Variants in NUTF2 observed in about 807,000 individuals in gnomAD.
NUTF2 encodes placental protein 15.
Under a neutral mutation model 18.5 loss-of-function variants are expected in NUTF2, and 3 were observed. That is an observed-to-expected ratio of 0.16 (90% CI 0.07 to 0.42). The LOEUF (loss-of-function observed/expected upper bound fraction) is 0.42. Ranked by LOEUF, NUTF2 falls within the 10% of genes least tolerant of loss-of-function variation. NUTF2 has a pLI of 0.99. For synonymous variants in NUTF2, 51 were observed against 57.9 expected (o/e 0.88, Z 0.54); for missense variants, 44 against 160.7 (o/e 0.27, Z 3.93).
At chr16:67,866,042 A>G (rs1233229182) in intron 2 of NUTF2, among the ~76,000 whole-genome samples, 2 of 152,064 alleles carry the variant, frequency 1.3e-5, no homozygotes, top group African/African-American at 2.4e-5. Flanking sequence ...AACGATGTTC[A>G]TATACACCAA....
intron 1 of NUTF2, among the ~76,000 whole-genome samples, chr16:67,850,625 G>A (rs2057847527): frequency 6.6e-6 from 1 of 152,158 alleles, no homozygotes; most frequent in Non-Finnish European, 1.5e-5. Context: ...TAAGAGAAGT[G>A]GCCTGAGGTT....
At chr16:67,847,180 G>C (rs866135672) in intron 1 of NUTF2, 195 bp downstream of exon 1, 1 of 151,984 alleles carries the variant, frequency 6.6e-6, no homozygotes, top group Non-Finnish European at 1.5e-5. Flanking sequence ...GCGGCGGCCG[G>C]GGGTAACGCA....
chr16:67,866,248 T>A (rs2057970352), intron 2 of NUTF2, among the ~76,000 whole-genome samples: 1 of 152,116 alleles, frequency 6.6e-6, no homozygotes, highest in Non-Finnish European at 1.5e-5. Flanking sequence ...AATAATGAAA[T>A]TTTATTAGTG....
chr16:67,849,481 A>G (rs1417674185), intron 1 of NUTF2, among the ~76,000 whole-genome samples: 1 of 151,248 alleles, frequency 6.6e-6, no homozygotes, highest in Non-Finnish European at 1.5e-5. Context: ...AGCTGGGACT[A>G]CAGGCGCACG....
intron 1 of NUTF2, among the ~76,000 whole-genome samples, chr16:67,857,788 G>A (rs541770570): frequency 6.6e-6 from 1 of 152,222 alleles, no homozygotes; most frequent in Non-Finnish European, 1.5e-5. Flanking sequence ...AGAGTATTGG[G>A]GCCAAGCCCC....
chr16:67,847,009 G>A (rs2151291448), intron 1 of NUTF2, 24 bp downstream of exon 1: 2 of 151,976 alleles, frequency 1.3e-5, no homozygotes, highest in African/African-American at 4.8e-5. Context: ...CCAGCACGCC[G>A]GGGCGGGGGC....
intron 3 of NUTF2, 40 bp downstream of exon 3, chr16:67,868,451 C>A: frequency 3.7e-6 from 6 of 1,613,544 alleles, no homozygotes; most frequent in Non-Finnish European, 5.1e-6. Context: ...TGGCTCCTTT[C>A]CCACCCCTTC....
At chr16:67,856,209 T>G (rs750575704) in intron 1 of NUTF2, 70 of 284,198 alleles carry the variant, frequency 2.5e-4, no homozygotes, top group African/African-American at 3.3e-4. Flanking sequence ...TGTTGTTGTT[T>G]TTTGAGACAG....
At chr16:67,848,404 A>G (rs2057824608) in intron 1 of NUTF2, among the ~76,000 whole-genome samples, 1 of 152,210 alleles carries the variant, frequency 6.6e-6, no homozygotes, top group Non-Finnish European at 1.5e-5. Context: ...CCAACATGGC[A>G]AAAGCGCATC....
chr16:67,848,726 A>C (rs2057827835), intron 1 of NUTF2, among the ~76,000 whole-genome samples: 1 of 151,440 alleles, frequency 6.6e-6, no homozygotes, highest in South Asian at 2.1e-4. Context: ...TGGGCGACAG[A>C]GCAAGACTCT....
intron 1 of NUTF2, among the ~76,000 whole-genome samples, chr16:67,858,223 A>G (rs1263532519): frequency 1.3e-5 from 2 of 152,210 alleles, no homozygotes; most frequent in Non-Finnish European, 2.9e-5. Context: ...GCTGGAGTGC[A>G]ATGGCATGAT....
chr16:67,854,055 A>G (rs955650608), intron 1 of NUTF2, among the ~76,000 whole-genome samples: 2 of 152,112 alleles, frequency 1.3e-5, no homozygotes, highest in Admixed American at 6.6e-5. Context: ...GGTTCAAGCA[A>G]TTCTCCTGCC....
At chr16:67,855,949 C>G in intron 1 of NUTF2, 1 of 1,055,318 alleles carries the variant, frequency 9.5e-7, no homozygotes, top group Non-Finnish European at 1.4e-6. Flanking sequence ...GGGCAGATGT[C>G]CAGCCTCAGA....
rs11553287 is a variant in NUTF2, at chr16:67,871,504, A to G, written c.*591A>G. ...GTGTAGGGCAGTTCTCTCCCACTCCACAGGGCGACTGGTCTTTGGAAAGCA... is the reference window on the plus strand; with the variant it reads ...GTGTAGGGCAGTTCTCTCCCACTCCGCAGGGCGACTGGTCTTTGGAAAGCA... On this transcript the variant is annotated 3_prime_UTR_variant, in exon 5 of 5. Coordinates refer to ENST00000219169, the MANE Select transcript of NUTF2 (RefSeq NM_005796.3). 46,383 of 152,016 alleles carry G rather than the reference A, an allele frequency of 0.31. 10,410 individuals are homozygous for G. Among genetic ancestry groups the G allele is most frequent in the African/African-American group, 0.64 (26,308 of 41,382 alleles). The allele number at this position is 152,016 out of a possible 1,614,324, so 9.4% of individuals were successfully genotyped here. A position where few individuals can be genotyped will look rare whatever the true frequency, so the allele number is the denominator to read the frequency against.
chr16:67,872,064 G>T lies in NUTF2; in HGVS notation c.*1151G>T, dbSNP rs1192444873. 3 of 152,278 alleles carry T rather than the reference G, an allele frequency of 2.0e-5. No individual in the cohort carries two copies. The highest frequency in any genetic ancestry group is 2.1e-4 in the South Asian group (1 of 4,828). 9.4% of individuals were successfully genotyped at this position (152,278 alleles called of 1,614,324 possible). ...ACTTCATGCTATCTTCCAATTCCGG[G>T]GAGTCTTAGCTATTAGGGCAGTTTC... On this transcript the variant is annotated 3_prime_UTR_variant, in exon 5 of 5. Transcript: ENST00000219169.
chr16:67,859,927 C>T (rs1249714701), intron 1 of NUTF2, among the ~76,000 whole-genome samples: 2 of 150,598 alleles, frequency 1.3e-5, no homozygotes, highest in African/African-American at 2.4e-5. Context: ...CTCAGCCTCC[C>T]GGGTAGCTGG....
chr16:67,863,002 G>C (rs1312992685), intron 1 of NUTF2, among the ~76,000 whole-genome samples: 1 of 152,198 alleles, frequency 6.6e-6, no homozygotes, highest in East Asian at 1.9e-4. Context: ...CACCTTGGAA[G>C]CTGCAGCAGG....
intron 2 of NUTF2, among the ~76,000 whole-genome samples, chr16:67,866,421 C>G (rs1227841423): frequency 6.6e-6 from 1 of 151,544 alleles, no homozygotes; most frequent in Non-Finnish European, 1.5e-5. Flanking sequence ...ATTCTTGTGC[C>G]TAGCCTCAGG....
intron 2 of NUTF2, among the ~76,000 whole-genome samples, chr16:67,866,225 A>G (rs1031044730): frequency 1.3e-5 from 2 of 152,202 alleles, no homozygotes; most frequent in Non-Finnish European, 2.9e-5. Flanking sequence ...GTCCATTCAG[A>G]AATTTTGGAA....
Sources: allele counts gnomAD v4.1 joint callset (sites outside exome capture counted in the v4.1 genomes callset), GRCh38; gene constraint gnomAD v4.1.1; transcripts MANE v1.5; gene names NCBI Gene and HGNC (gene_info 2026-07-23, HGNC 2026-07-21).